Variants in PLCG2 observed in about 807,000 individuals in gnomAD.
The protein encoded by PLCG2 is phospholipase C gamma 2.
In PLCG2, 69 loss-of-function variants were observed where a neutral mutation model predicts 175.6. That is an observed-to-expected ratio of 0.39 (90% CI 0.32 to 0.48). The LOEUF (loss-of-function observed/expected upper bound fraction) is 0.48, where lower values mean the gene tolerates loss of function less well. Ranked by LOEUF, PLCG2 falls within the 20% of genes least tolerant of loss-of-function variation. The pLI is 0.91. For synonymous variants in PLCG2, 827 were observed against 624.0 expected, an observed-to-expected ratio of 1.33 and a Z score of -4.85; for missense variants, 1,798 against 1,650.9, an observed-to-expected ratio of 1.09 and a Z score of -1.54.
chr16:81,892,010 C>A (rs1456626501), intron 11 of PLCG2, among the ~76,000 whole-genome samples: 3 of 152,208 alleles, frequency 2.0e-5, no homozygotes, highest in Non-Finnish European at 4.4e-5. Flanking sequence ...CCGGCAGCAG[C>A]CATGTCCTCA....
intron 12 of PLCG2, among the ~76,000 whole-genome samples, chr16:81,894,820 C>G (rs546988293): frequency 6.6e-6 from 1 of 152,126 alleles, no homozygotes; most frequent in African/African-American, 2.4e-5. Context: ...TTGCAGTAAG[C>G]TGAGATCGCG....
chr16:81,835,814 C>T (rs958701867), intron 2 of PLCG2, among the ~76,000 whole-genome samples: 4 of 152,110 alleles, frequency 2.6e-5, no homozygotes, highest in Non-Finnish European at 5.9e-5. Context: ...CCTTCCTCTC[C>T]TCTTCCTGGC....
At position 81,961,738 on chromosome 16, in the gene PLCG2, C is replaced by A. The variant is rs1911783498; in HGVS notation, c.*3740C>A. The A allele has an allele frequency of 9.7e-6, 2 of 205,646 alleles. No individual in the cohort carries two copies. The highest frequency in any genetic ancestry group is 1.9e-4 in the South Asian group (1 of 5,292). The allele number at this position is 205,646 out of a possible 1,614,324, so 12.7% of individuals were successfully genotyped here. A position where few individuals can be genotyped will look rare whatever the true frequency, so the allele number is the denominator to read the frequency against. On this transcript the variant is annotated 3_prime_UTR_variant, in exon 33 of 33. Transcript: ENST00000564138. ...TCTATCAAATAACTTATATTAAGAA[C>A]CTCCTGGGCTAAATTTAAAAAGTAA...
intron 17 of PLCG2, 110 bp downstream of exon 17, chr16:81,908,701 TC>T: frequency 1.1e-6 from 1 of 918,244 alleles, no homozygotes; most frequent in Non-Finnish European, 1.6e-6. Context: ...GGGACCTGAA[TC>T]CCAGGCTTCA....
rs78907058 is a variant in PLCG2 at position 81,957,490 on chromosome 16, T to C, written c.3756-466T>C. Reference sequence around the variant, plus strand: ...ACCACTGACTTTTAAGGAGTACTTATTGTGTTTCCAAGAATGGGCTAGTCC... The same window carrying C: ...ACCACTGACTTTTAAGGAGTACTTACTGTGTTTCCAAGAATGGGCTAGTCC... On this transcript the variant is annotated intron_variant, in intron 32 of 32. Transcript: ENST00000564138. Among the ~76,000 whole-genome samples the C allele has an allele frequency of 8.5e-5, 13 of 152,262 alleles. No homozygotes were observed. In the East Asian group the frequency reaches 2.1e-3, roughly 25 times the overall value.
At chr16:81,783,981 C>T (rs961483601) in intron 1 of PLCG2, among the ~76,000 whole-genome samples, 7 of 152,198 alleles carry the variant, frequency 4.6e-5, no homozygotes, top group African/African-American at 1.7e-4. Flanking sequence ...TGCCTAGCCA[C>T]ACTCCAGATT....
chr16:81,821,474 T>C lies in PLCG2; in HGVS notation c.194-32970T>C, dbSNP rs539586491. ...CTGTTGCCTTCCTCGAGGGCTCGAA[T>C]GCTGTGTGTCTTGGTGATCGGCTGA... On this transcript the variant is annotated intron_variant, in intron 2 of 32. Coordinates refer to ENST00000564138, the MANE Select transcript of PLCG2 (RefSeq NM_002661.5). Among the ~76,000 whole-genome samples, 4 of 152,296 alleles carry C rather than the reference T, an allele frequency of 2.6e-5. No individual in the cohort carries two copies. In the South Asian group the frequency reaches 8.3e-4, roughly 32 times the overall value.
At chr16:81,941,035 G>A (rs923677116) in intron 30 of PLCG2, among the ~76,000 whole-genome samples, 5 of 151,980 alleles carry the variant, frequency 3.3e-5, no homozygotes, top group Non-Finnish European at 4.4e-5. Flanking sequence ...AAAGATGACT[G>A]TCATTTTAGT....
Position 81,960,879 on chromosome 16 carries a change from T to G in PLCG2, c.*2881T>G, listed in dbSNP as rs563681944. The G allele has an allele frequency of 1.1e-3, 255 of 229,456 alleles. No homozygotes were observed. The highest frequency in any genetic ancestry group is 2.0e-3 in the Non-Finnish European group (228 of 115,810). The allele number at this position is 229,456 out of a possible 1,614,324, so 14.2% of individuals were successfully genotyped here. Reference sequence around the variant, plus strand: ...TCTCAGGGGAGCAGTGTTCAGAGCCTCATCTTCCTGTTATATTCTTCTCTA... The same window carrying G: ...TCTCAGGGGAGCAGTGTTCAGAGCCGCATCTTCCTGTTATATTCTTCTCTA... On this transcript the variant is annotated 3_prime_UTR_variant, in exon 33 of 33. Transcript: ENST00000564138.
chr16:81,767,693 C>G (rs1166824194), intron 2 of PLCG2: 2 of 151,932 alleles, frequency 1.3e-5, no homozygotes, highest in African/African-American at 4.8e-5. Context: ...GTTGTAATCT[C>G]CAACACAATC....
At chr16:81,804,478 G>A (rs1330734907) in intron 2 of PLCG2, among the ~76,000 whole-genome samples, 2 of 152,190 alleles carry the variant, frequency 1.3e-5, no homozygotes, top group Non-Finnish European at 2.9e-5. Flanking sequence ...CAGCACATGG[G>A]CATGGACACT....
chr16:81,764,168 C>T (rs538554220), intron 2 of PLCG2, among the ~76,000 whole-genome samples: 2 of 151,904 alleles, frequency 1.3e-5, no homozygotes, highest in African/African-American at 4.8e-5. Flanking sequence ...ATGGTGTGAG[C>T]CTGTATCCCT....
At chr16:81,924,913 C>G (rs1484732689) in intron 22 of PLCG2, among the ~76,000 whole-genome samples, 1 of 152,256 alleles carries the variant, frequency 6.6e-6, no homozygotes, top group Admixed American at 6.5e-5. Flanking sequence ...CGAAGTCCCT[C>G]CACTCGAAGT....
intron 19 of PLCG2, among the ~76,000 whole-genome samples, chr16:81,913,298 G>A (rs143948528): frequency 1.3e-5 from 2 of 152,314 alleles, no homozygotes; most frequent in East Asian, 3.9e-4. Context: ...ATGTTCTTAC[G>A]GTGGTAACAG....
intron 2 of PLCG2, among the ~76,000 whole-genome samples, chr16:81,836,085 C>T (rs746778294): frequency 3.9e-5 from 6 of 152,208 alleles, no homozygotes; most frequent in Non-Finnish European, 8.8e-5. Context: ...CCCAACATTA[C>T]CCGTTTATAC....
intron 18 of PLCG2, among the ~76,000 whole-genome samples, chr16:81,911,534 C>G (rs1909621294): frequency 6.6e-6 from 1 of 151,912 alleles, no homozygotes; most frequent in African/African-American, 2.4e-5. Context: ...AGCTCCTGGG[C>G]TCAAGTGATC....
At chr16:81,772,586 G>C (rs902307894) in intron 2 of PLCG2, among the ~76,000 whole-genome samples, 10 of 151,190 alleles carry the variant, frequency 6.6e-5, no homozygotes, top group Non-Finnish European at 1.2e-4. Flanking sequence ...GAGGTGGGTG[G>C]ATCACCTGAG....
In PLCG2 at chr16:81,960,014, G is replaced by A; in HGVS notation, c.*2016G>A. 4.6e-6 allele frequency: 1 copy of A among 215,276 alleles called. No homozygotes were observed. Among genetic ancestry groups the A allele is most frequent in the Non-Finnish European group, 9.4e-6 (1 of 106,746 alleles). The allele number at this position is 215,276 out of a possible 1,614,324, so 13.3% of individuals were successfully genotyped here. On this transcript the variant is annotated 3_prime_UTR_variant, in exon 33 of 33. Transcript: ENST00000564138. ...GAAGCAGAAGCTAAGCCTCTCTCCA[G>A]CTGCTGCTGTGTAAAATCCATGCGT...
chr16:81,786,252 C>A, intron 2 of PLCG2, 70 bp downstream of exon 2: 1 of 1,244,490 alleles, frequency 8.0e-7, no homozygotes, highest in East Asian at 2.4e-5. Flanking sequence ...TGTCCACCTT[C>A]CTGTCTTGTC....
Sources: allele counts gnomAD v4.1 joint callset (sites outside exome capture counted in the v4.1 genomes callset), GRCh38; gene constraint gnomAD v4.1.1; transcripts MANE v1.5; gene names NCBI Gene and HGNC (gene_info 2026-07-23, HGNC 2026-07-21).